Variants in PMM2 observed in about 807,000 individuals in gnomAD.
The protein encoded by PMM2 is mannose-6-phosphate isomerase.
A neutral mutation model predicts 33.2 loss-of-function variants in PMM2; 35 were observed. The observed-to-expected ratio is 1.06, with a 90% CI of 0.81 to 1.40. The LOEUF (loss-of-function observed/expected upper bound fraction) is 1.40. PMM2 is among the 40% of genes most tolerant of loss of function. The pLI is 0.00. For missense variants in PMM2, 386 were observed against 306.0 expected, an observed-to-expected ratio of 1.26 and a Z score of -1.95; for synonymous variants, 153 against 114.7, an observed-to-expected ratio of 1.33 and a Z score of -2.13.
chr16:8,836,904 G>A (rs1433077022), intron 7 of PMM2, among the ~76,000 whole-genome samples: 1 of 151,988 alleles, frequency 6.6e-6, no homozygotes, highest in African/African-American at 2.4e-5. Context: ...TTTAGCTCCA[G>A]CCACCTTTTC....
intron 7 of PMM2, among the ~76,000 whole-genome samples, chr16:8,818,266 C>T (rs2060718973): frequency 6.6e-6 from 1 of 152,236 alleles, no homozygotes. Flanking sequence ...ACCTCCCTTG[C>T]AGAGGCACGT....
At chr16:8,831,391 A>G (rs535850063) in intron 7 of PMM2, among the ~76,000 whole-genome samples, 1 of 151,692 alleles carries the variant, frequency 6.6e-6, no homozygotes, top group Non-Finnish European at 1.5e-5. Context: ...AGAATCGACT[A>G]TAAGGCATGG....
At chr16:8,832,345 G>C in intron 7 of PMM2, 5 of 985,388 alleles carry the variant, frequency 5.1e-6, no homozygotes, top group Non-Finnish European at 6.0e-6. Context: ...AGCCAGGGTC[G>C]GGAGGATTTC....
chr16:8,834,332 G>A (rs561506658), intron 7 of PMM2, among the ~76,000 whole-genome samples: 2 of 152,106 alleles, frequency 1.3e-5, no homozygotes, highest in South Asian at 4.1e-4. Context: ...AACTGCTTGG[G>A]TGATTTGACT....
intron 4 of PMM2, 51 bp downstream of exon 4, chr16:8,806,458 C>A: frequency 9.2e-7 from 1 of 1,090,884 alleles, no homozygotes; most frequent in Non-Finnish European, 1.4e-6. Flanking sequence ...CGTAGTGTCA[C>A]ATGGTGGGCT....
At chr16:8,834,331 G>A (rs2060829804) in intron 7 of PMM2, among the ~76,000 whole-genome samples, 1 of 152,098 alleles carries the variant, frequency 6.6e-6, no homozygotes, top group African/African-American at 2.4e-5. Flanking sequence ...AAACTGCTTG[G>A]GTGATTTGAC....
chr16:8,836,428 G>A (rs994791958), intron 7 of PMM2, among the ~76,000 whole-genome samples: 8 of 151,950 alleles, frequency 5.3e-5, no homozygotes, highest in Non-Finnish European at 1.2e-4. Flanking sequence ...GAGGAATCCC[G>A]GGCTGTGGGC....
chr16:8,804,059 G>C (rs1413126659), intron 2 of PMM2, among the ~76,000 whole-genome samples: 1 of 64,538 alleles, frequency 1.5e-5, no homozygotes, highest in Non-Finnish European at 2.9e-5. Flanking sequence ...TTTGACGTTA[G>C]ACAGAGTCTT....
chr16:8,811,855 A>C, intron 6 of PMM2, 142 bp downstream of exon 6: 2 of 697,890 alleles, frequency 2.9e-6, no homozygotes, highest in Non-Finnish European at 5.2e-6. Context: ...TATAGACAAA[A>C]ACCAACCACT....
intron 2 of PMM2, chr16:8,802,265 C>G (rs977279307): frequency 3.8e-5 from 17 of 452,734 alleles, no homozygotes; most frequent in Non-Finnish European, 7.1e-5. Context: ...TGACAGCCCC[C>G]CTCACCTCCC....
chr16:8,817,219 A>C (rs759715561), intron 7 of PMM2, among the ~76,000 whole-genome samples: 1 of 152,234 alleles, frequency 6.6e-6, no homozygotes, highest in Non-Finnish European at 1.5e-5. Context: ...TCTTAATGAC[A>C]GTTACATATG....
At chr16:8,836,975 C>A (rs2060852698) in intron 7 of PMM2, among the ~76,000 whole-genome samples, 1 of 151,914 alleles carries the variant, frequency 6.6e-6, no homozygotes, top group South Asian at 2.1e-4. Flanking sequence ...TAAGCTGGTC[C>A]AGGTGTGAGG....
At chr16:8,830,684 G>C (rs2060804501) in intron 7 of PMM2, among the ~76,000 whole-genome samples, 1 of 152,194 alleles carries the variant, frequency 6.6e-6, no homozygotes, top group East Asian at 1.9e-4. Context: ...TTATTCTCAG[G>C]AGCAATGTGG....
At chr16:8,813,725 G>A (rs994821603) in intron 7 of PMM2, among the ~76,000 whole-genome samples, 2 of 152,102 alleles carry the variant, frequency 1.3e-5, no homozygotes, top group African/African-American at 4.8e-5. Context: ...GGAATACATA[G>A]AAGAAATGCC....
intron 7 of PMM2, chr16:8,832,969 A>G (rs2141038956): frequency 2.2e-6 from 1 of 454,324 alleles, no homozygotes; most frequent in Non-Finnish European, 2.6e-6. Flanking sequence ...TGGTCTCCCC[A>G]GGGCAGCTGT....
At chr16:8,811,567 G>C in intron 5 of PMM2, 71 bp from the exon 6 acceptor site, 1 of 914,700 alleles carries the variant, frequency 1.1e-6, no homozygotes, top group Non-Finnish European at 1.8e-6. Context: ...CTACCTTTGT[G>C]GCCAGTAGTT....
At chr16:8,828,591 C>G (rs1596497931) in intron 7 of PMM2, among the ~76,000 whole-genome samples, 1 of 152,044 alleles carries the variant, frequency 6.6e-6, no homozygotes, top group African/African-American at 2.4e-5. Context: ...TGCCGGAGAC[C>G]AAAAGAGGGT....
At chr16:8,819,308 G>T (rs1489395027) in intron 7 of PMM2, among the ~76,000 whole-genome samples, 1 of 152,192 alleles carries the variant, frequency 6.6e-6, no homozygotes, top group Non-Finnish European at 1.5e-5. Context: ...TCAAAGCAAA[G>T]TGCAGGACAA....
chr16:8,800,570 T>C (rs2060607608), intron 1 of PMM2, among the ~76,000 whole-genome samples: 1 of 152,266 alleles, frequency 6.6e-6, no homozygotes, highest in African/African-American at 2.4e-5. Context: ...ATAGGAGCTT[T>C]GCTTTTAGAA....
Sources: allele counts gnomAD v4.1 joint callset (sites outside exome capture counted in the v4.1 genomes callset), GRCh38; gene constraint gnomAD v4.1.1; transcripts MANE v1.5; gene names NCBI Gene and HGNC (gene_info 2026-07-23, HGNC 2026-07-21).